The following BCAS3 variants were observed in gnomAD, a reference collection of about 807,000 sequenced individuals.
BCAS3 encodes the protein BCAS3 microtubule associated cell migration factor, also known as BCAS4/BCAS3 fusion.
A neutral mutation model predicts 116.1 loss-of-function variants in BCAS3; 53 were observed. That is an observed-to-expected ratio of 0.46 (90% CI 0.37 to 0.57). The LOEUF (loss-of-function observed/expected upper bound fraction) is 0.57. Among genes scored for constraint, BCAS3 ranks in the 20% least tolerant of loss-of-function variants. The pLI, the probability that BCAS3 is intolerant of heterozygous loss-of-function variation, is 0.00. For synonymous variants in BCAS3, 391 were observed against 408.2 expected (o/e 0.96, Z 0.51); for missense variants, 917 against 1,165.4 (o/e 0.79, Z 3.10).
intron 6 of BCAS3, among the ~76,000 whole-genome samples, chr17:60,750,321 G>T (rs1243364216): frequency 6.6e-6 from 1 of 151,868 alleles, no homozygotes; most frequent in Non-Finnish European, 1.5e-5. Context: ...ACTAGGAATA[G>T]AAAAAAAATT....
intron 19 of BCAS3, among the ~76,000 whole-genome samples, chr17:61,058,676 T>C (rs533982429): frequency 6.6e-6 from 1 of 152,342 alleles, no homozygotes; most frequent in African/African-American, 2.4e-5. Flanking sequence ...TGTAACCTTG[T>C]GTTGTGACTT....
chr17:61,016,119 T>G (rs1468166335), intron 16 of BCAS3, among the ~76,000 whole-genome samples: 1 of 152,148 alleles, frequency 6.6e-6, no homozygotes, highest in East Asian at 1.9e-4. Context: ...AACAAAACAG[T>G]GACAAGCTGT....
chr17:61,270,597 C>T (rs1318601612), intron 22 of BCAS3, among the ~76,000 whole-genome samples: 1 of 152,152 alleles, frequency 6.6e-6, no homozygotes, highest in African/African-American at 2.4e-5. Context: ...AATTTGATGT[C>T]GTCCTATTTG....
Position 61,171,639 on chromosome 17 carries a change from T to A in BCAS3, c.2425+87075T>A, listed in dbSNP as rs184128672. Among the ~76,000 whole-genome samples, 28 of 152,272 alleles carry A rather than the reference T, an allele frequency of 1.8e-4. No homozygotes were observed. The East Asian group carries it at 3.5e-3, about 19-fold the overall frequency. On this transcript the variant is annotated intron_variant, in intron 22 of 23. Coordinates refer to ENST00000407086, the MANE Select transcript of BCAS3 (RefSeq NM_017679.5). The surrounding 1 kb of genome is among the most constrained non-coding windows in gnomAD (Gnocchi z 4.1). ...GCTAATACTAATTTTATTTTATTTT[T>A]TTTTTGAAACAGCGTCTGTTGCCAA...
chr17:60,917,424 G>A (rs8069825), intron 12 of BCAS3, among the ~76,000 whole-genome samples: 6,086 of 152,160 alleles, frequency 0.04, 459 homozygotes, highest in African/African-American at 0.14. Flanking sequence ...ATCCTTTTGT[G>A]TCTGGTTTAT....
rs1383255692 is a variant in BCAS3, at chr17:61,208,723, A to G, written c.2425+124159A>G. On this transcript the variant is annotated intron_variant, in intron 22 of 23. Transcript: ENST00000407086. The surrounding 1 kb of genome is among the most constrained non-coding windows in gnomAD (Gnocchi z 4.5). ...GTTCCCAAACAGAATTAGAAGGAAA[A>G]GGTCTGCTTAGCTGTCTTTTCCTGT... Among the ~76,000 whole-genome samples the G allele has an allele frequency of 6.6e-6, 1 of 152,148 alleles. No individual in the cohort carries two copies. Among genetic ancestry groups the G allele is most frequent in the Non-Finnish European group, 1.5e-5 (1 of 68,028 alleles).
chr17:61,348,506 G>T lies in BCAS3; in HGVS notation c.2426-19821G>T, dbSNP rs991919155. ...AAGAATAGTTTACAGAGAAAGAAGA[G>T]AAGAGGACTGAGGGCACCAAAATTT... is the stretch of plus-strand genomic sequence containing the variant. On this transcript the variant is annotated intron_variant, in intron 22 of 23. Coordinates refer to ENST00000407086, the MANE Select transcript of BCAS3 (RefSeq NM_017679.5). The surrounding 1 kb of genome is among the most constrained non-coding windows in gnomAD (Gnocchi z 4.5). Among the ~76,000 whole-genome samples the T allele has an allele frequency of 6.6e-6, 1 of 152,136 alleles. No homozygotes were observed. The highest frequency in any genetic ancestry group is 2.4e-5 in the African/African-American group (1 of 41,428).
intron 15 of BCAS3, among the ~76,000 whole-genome samples, chr17:61,000,934 C>T (rs1016285160): frequency 6.6e-6 from 1 of 152,074 alleles, no homozygotes; most frequent in African/African-American, 2.4e-5. Context: ...CTTAATTTTG[C>T]AAATTAGTTT....
rs1014175759 is a variant in BCAS3, at chr17:61,126,693, G to A, written c.2425+42129G>A. On this transcript the variant is annotated intron_variant, in intron 22 of 23. Transcript: ENST00000407086. The surrounding 1 kb of genome is among the most constrained non-coding windows in gnomAD (Gnocchi z 4.6). ...TAGCTGCTGATTTCTACTGGGAAAT[G>A]TATCCTTGGACTGAAAATTGCATCC... is the stretch of plus-strand genomic sequence containing the variant. 3.1e-4 allele frequency among the ~76,000 whole-genome samples: 47 copies of A among 152,128 alleles called. No homozygotes were observed. Among genetic ancestry groups the A allele is most frequent in the African/African-American group, 1.1e-3 (44 of 41,444 alleles).
chr17:61,392,000 G>T lies in BCAS3; in HGVS notation c.2617G>T (p.Glu873Ter), dbSNP rs747279629. The T allele has an allele frequency of 6.2e-7, 1 of 1,613,792 alleles. No homozygotes were observed. Among genetic ancestry groups the T allele is most frequent in the Non-Finnish European group, 8.5e-7 (1 of 1,179,960 alleles). Residue 873 changes from glutamate (E) to a stop codon, truncating the protein, a stop_gained, in exon 24 of 24, where the codon GAG becomes TAG. Coordinates refer to ENST00000407086, the MANE Select transcript of BCAS3 (RefSeq NM_017679.5). LOFTEE classifies it high-confidence loss of function. This position sits in a 1 kb window ranked among gnomAD's most constrained non-coding sequence, Gnocchi z 7.7. ...GTELQREGSIETLSNSSGSTS... is the reference protein window; with the variant it reads ...GTELQREGSI The stretch of plus-strand genomic sequence containing the variant: ...AGAACTTCAGCGAGAGGGAAGCATC[G>T]AGACTCTGAGTAACAGCTCAGGCTC...
chr17:60,725,997 G>A (rs940383556), intron 5 of BCAS3, among the ~76,000 whole-genome samples: 2 of 152,112 alleles, frequency 1.3e-5, no homozygotes, highest in African/African-American at 4.8e-5. Context: ...CTGAGTTCAA[G>A]CGATTCTCCT....
chr17:60,882,611 T>A (rs2056275192), intron 9 of BCAS3, among the ~76,000 whole-genome samples: 1 of 151,910 alleles, frequency 6.6e-6, no homozygotes, highest in Non-Finnish European at 1.5e-5. Context: ...CTTGAATTGA[T>A]TTTTGTATAA....
intron 7 of BCAS3, among the ~76,000 whole-genome samples, chr17:60,864,569 C>T (rs1464674458): frequency 2.0e-5 from 3 of 152,216 alleles, no homozygotes; most frequent in African/African-American, 7.2e-5. Context: ...GTTTAGTCTT[C>T]TATCTAAACC....
chr17:61,049,250 A>C (rs754167622), intron 19 of BCAS3, among the ~76,000 whole-genome samples: 3 of 151,924 alleles, frequency 2.0e-5, no homozygotes, highest in African/African-American at 7.2e-5. Flanking sequence ...GCAGTGAACC[A>C]TGATTCTGTC....
At position 61,056,128 on chromosome 17, in the gene BCAS3, CT is replaced by C. The variant is rs2069356884; in HGVS notation, c.2029+15239del. 1.3e-5 allele frequency among the ~76,000 whole-genome samples: 2 copies of C among 152,172 alleles called. No individual in the cohort carries two copies. The highest frequency in any genetic ancestry group is 4.1e-4 in the South Asian group (2 of 4,822). On this transcript the variant is annotated intron_variant, in intron 19 of 23. Transcript: ENST00000407086. The surrounding 1 kb of genome is among the most constrained non-coding windows in gnomAD (Gnocchi z 4.9). ...TAAATGTGGACCACCTGCCAGAAAG[CT>C]TTGCGTATGTACTTGTTCTGTCTCC...
intron 4 of BCAS3, among the ~76,000 whole-genome samples, chr17:60,702,037 TACAC>T (rs371649037): frequency 1.5e-4 from 23 of 151,476 alleles, no homozygotes; most frequent in South Asian, 2.1e-4. Context: ...TATGTATAGA[TACAC>T]ACACACACAC....
At position 61,021,963 on chromosome 17, in the gene BCAS3, G is replaced by T. The variant is rs755152959; in HGVS notation, c.1637+6062G>T. The stretch of plus-strand genomic sequence containing the variant: ...TTTGGAGAAAGACCCACTAGATACA[G>T]ATATAATAGCTTGGGTAATTCCCCA... On this transcript the variant is annotated intron_variant, in intron 16 of 23. Transcript: ENST00000407086. The surrounding 1 kb of genome is among the most constrained non-coding windows in gnomAD (Gnocchi z 4.6). 3.9e-5 allele frequency among the ~76,000 whole-genome samples: 6 copies of T among 152,130 alleles called. No homozygotes were observed. Among genetic ancestry groups the T allele is most frequent in the Non-Finnish European group, 5.9e-5 (4 of 68,018 alleles).
chr17:60,725,287 G>C (rs183759131), intron 5 of BCAS3, among the ~76,000 whole-genome samples: 1 of 152,212 alleles, frequency 6.6e-6, no homozygotes, highest in East Asian at 1.9e-4. Context: ...AAATATGCTA[G>C]AAACTCAATC....
chr17:60,962,085 T>C lies in BCAS3; in HGVS notation c.1221+14733T>C, dbSNP rs1042276754. 6.6e-6 allele frequency among the ~76,000 whole-genome samples: 1 copy of C among 152,230 alleles called. No homozygotes were observed. The highest frequency in any genetic ancestry group is 2.4e-5 in the African/African-American group (1 of 41,468). ...CATATATGCTTTATTTATTCATCTG[T>C]TGATGAACTCTTAGAGTGATTCCAT... On this transcript the variant is annotated intron_variant, in intron 14 of 23. Coordinates refer to ENST00000407086, the MANE Select transcript of BCAS3 (RefSeq NM_017679.5). The surrounding 1 kb of genome is among the most constrained non-coding windows in gnomAD (Gnocchi z 4.4).
Sources: gnomAD v4.1 joint callset for allele counts (sites outside exome capture counted in the v4.1 genomes callset) on GRCh38, gnomAD v4.1.1 for gene constraint, Gnocchi (gnomAD v3.1) non-coding constraint, MANE v1.5 for transcripts, NCBI Gene and HGNC (gene_info 2026-07-23, HGNC 2026-07-21) for gene names.